Variants in SZT2 observed in about 807,000 individuals in gnomAD.
SZT2 encodes KICSTOR complex protein SZT2.
A neutral mutation model predicts 404.2 loss-of-function variants in SZT2; 216 were observed. The ratio of observed to expected loss-of-function variants is 0.53; its 90% CI spans 0.48 to 0.60. The LOEUF is 0.60. Ranked by LOEUF, SZT2 falls within the 20% of genes least tolerant of loss-of-function variation. The pLI is 0.00. For synonymous variants in SZT2, 1,693 were observed against 1,749.9 expected (o/e 0.97, Z 0.81); for missense variants, 3,857 against 4,459.2 (o/e 0.86, Z 3.85).
At chr1:43,399,530 C>T (rs957267014) in intron 1 of SZT2, among the ~76,000 whole-genome samples, 14 of 143,474 alleles carry the variant, frequency 9.8e-5, no homozygotes, top group African/African-American at 3.4e-4. Context: ...GGCGTGATCT[C>T]GACTCACTGC....
intron 1 of SZT2, among the ~76,000 whole-genome samples, chr1:43,391,421 T>C (rs1648300552): frequency 6.6e-6 from 1 of 152,150 alleles, no homozygotes; most frequent in Admixed American, 6.5e-5. Flanking sequence ...ATATTGTTCA[T>C]GGTATAAGTA....
At chr1:43,394,460 T>C (rs1158536869) in intron 1 of SZT2, among the ~76,000 whole-genome samples, 1 of 152,218 alleles carries the variant, frequency 6.6e-6, no homozygotes, top group Non-Finnish European at 1.5e-5. Flanking sequence ...AGGTGATTTT[T>C]CATGCAGCTG....
chr1:43,424,953 C>A lies in SZT2; in HGVS notation c.2550+91C>A. ...TGAGCTGGGTTGGGACTGCTGGAAACTGCCTCACAGGGACCCTGTGGCCAG... is the reference window on the plus strand; with the variant it reads ...TGAGCTGGGTTGGGACTGCTGGAAAATGCCTCACAGGGACCCTGTGGCCAG... On this transcript the variant is annotated intron_variant, in intron 17 of 71. Coordinates refer to ENST00000634258, the MANE Select transcript of SZT2 (RefSeq NM_001365999.1). This position sits in a 1 kb window ranked among gnomAD's most constrained non-coding sequence, Gnocchi z 4.1. 6.6e-7 allele frequency: 1 copy of A among 1,513,548 alleles called. No homozygotes were observed. The highest frequency in any genetic ancestry group is 9.2e-7 in the Non-Finnish European group (1 of 1,092,230). The allele number at this position is 1,513,548 out of a possible 1,614,324, so 93.8% of individuals were successfully genotyped here.
rs774902064 is a variant in SZT2 at position 43,431,794 on chromosome 1, G to A, written c.5167G>A (p.Ala1723Thr). 6.2e-6 allele frequency: 10 copies of A among 1,614,074 alleles called. No homozygotes were observed. The East Asian group carries it at 2.0e-4, about 32-fold the overall frequency. Reference protein sequence around the residue: ...GIPQSPALHRAAAHIHSSPGR... With the variant: ...GIPQSPALHRTAAHIHSSPGR... The stretch of plus-strand genomic sequence containing the variant: ...CCCACAGAGTCCTGCCCTGCACCGC[G>A]CAGCTGCCCATATCCATAGTTCTCC... The change falls in exon 36 of 72, where the codon GCA (alanine) becomes ACA (threonine). Residue 1723 changes from alanine (A) to threonine (T), a missense_variant. Physicochemically the swap from Ala to Thr is moderately conservative, Grantham distance 58. This residue lies in a region of SZT2 where 1,725 missense variants were observed against 1,881.0 expected (regional missense o/e 0.92). Transcript: ENST00000634258.
At chr1:43,432,849 T>A in intron 39 of SZT2, 50 bp downstream of exon 39, 3 of 1,607,696 alleles carry the variant, frequency 1.9e-6, no homozygotes, top group Non-Finnish European at 2.6e-6. Context: ...GGAGGTGGGC[T>A]TAGGGCTGTA....
chr1:43,419,201 C>T (rs1652052510), intron 7 of SZT2, among the ~76,000 whole-genome samples: 1 of 152,218 alleles, frequency 6.6e-6, no homozygotes, highest in African/African-American at 2.4e-5. Flanking sequence ...TCCAATAAAA[C>T]TCGATTCACA....
In SZT2 at chr1:43,450,813, T is replaced by G. The variant is rs537403486; in HGVS notation, c.*333T>G. The G allele has an allele frequency of 4.2e-6, 3 of 706,418 alleles. No homozygotes were observed. The East Asian group carries it at 8.4e-5, about 20-fold the overall frequency. 43.8% of individuals were successfully genotyped at this position (706,418 alleles called of 1,614,324 possible). On this transcript the variant is annotated 3_prime_UTR_variant, in exon 72 of 72. Transcript: ENST00000634258. This position sits in a 1 kb window ranked among gnomAD's most constrained non-coding sequence, Gnocchi z 4.3. ...CAGGGTGGCAAACACCCCCTAGAGC[T>G]CCTCTGCCTGAATCCTGCCCCCTAG...
chr1:43,431,623 A>C, intron 35 of SZT2, 93 bp from the exon 36 acceptor site: 1 of 1,600,070 alleles, frequency 6.2e-7, no homozygotes, highest in Admixed American at 1.7e-5. Context: ...GGCCTCTCTC[A>C]GTCTGTGAGG....
intron 5 of SZT2, among the ~76,000 whole-genome samples, chr1:43,415,691 C>T (rs1651624504): frequency 6.6e-6 from 1 of 152,162 alleles, no homozygotes; most frequent in African/African-American, 2.4e-5. Flanking sequence ...TGGAAAGGGG[C>T]CCTTCTTGGC....
At position 43,430,485 on chromosome 1, in the gene SZT2, T is replaced by G; in HGVS notation, c.4481-11T>G. The G allele has an allele frequency of 6.2e-7, 1 of 1,612,364 alleles. No individual in the cohort carries two copies. The highest frequency in any genetic ancestry group is 8.5e-7 in the Non-Finnish European group (1 of 1,178,712). On this transcript the variant is annotated splice_polypyrimidine_tract_variant and intron_variant, in intron 31 of 71. Transcript: ENST00000634258. ...AGCCTCTCTCATTGACCATGTGACATGCACTACTAGGAGACACATCTGCCT... is the reference window on the plus strand; with the variant it reads ...AGCCTCTCTCATTGACCATGTGACAGGCACTACTAGGAGACACATCTGCCT...
At position 43,437,783 on chromosome 1, in the gene SZT2, C is replaced by A. The variant is rs1654621536; in HGVS notation, c.6397-8C>A. The stretch of plus-strand genomic sequence containing the variant: ...GAACCGGGGCCCTGACCACAGTTTT[C>A]CCTGTAGGGTCCTCGTTCTCCCTTA... On this transcript the variant is annotated splice_region_variant and splice_polypyrimidine_tract_variant and intron_variant, in intron 45 of 71. Transcript: ENST00000634258. The surrounding 1 kb of genome is among the most constrained non-coding windows in gnomAD (Gnocchi z 5.3). 6.2e-7 allele frequency: 1 copy of A among 1,614,176 alleles called. No homozygotes were observed. The highest frequency in any genetic ancestry group is 8.5e-7 in the Non-Finnish European group (1 of 1,180,026).
In SZT2 at chr1:43,441,768, G is replaced by A; in HGVS notation, c.7692G>A (p.Leu2564=). Residue 2564 remains leucine, a synonymous_variant, in exon 55 of 72, where the codon CTG becomes CTA. Transcript: ENST00000634258. The surrounding 1 kb of genome is among the most constrained non-coding windows in gnomAD (Gnocchi z 4.8). ...LPSILSEFTA[L]VTSMAGDTSV... ...CCATCCTGTCTGAGTTCACCGCACT[G>A]GTCACCTCAATGGCTGGAGACACCA... 1.2e-6 allele frequency: 2 copies of A among 1,614,136 alleles called. No individual in the cohort carries two copies. Among genetic ancestry groups the A allele is most frequent in the South Asian group, 1.1e-5 (1 of 91,088 alleles).
chr1:43,396,012 CA>C (rs1375772178), intron 1 of SZT2, among the ~76,000 whole-genome samples: 1 of 151,996 alleles, frequency 6.6e-6, no homozygotes, highest in Admixed American at 6.6e-5. Context: ...CGTATGTGTC[CA>C]AAAAAGCCAG....
At position 43,446,676 on chromosome 1, in the gene SZT2, T is replaced by C; in HGVS notation, c.9072+260T>C. ...CAGTGCCTGGTCTGGCCTGTAGTCATCTAGAGTCTGTGGCAGACCCTGATG... is the reference window on the plus strand; with the variant it reads ...CAGTGCCTGGTCTGGCCTGTAGTCACCTAGAGTCTGTGGCAGACCCTGATG... On this transcript the variant is annotated intron_variant, in intron 65 of 71. Transcript: ENST00000634258. The C allele has an allele frequency of 6.4e-6, 4 of 620,478 alleles. No homozygotes were observed. In the South Asian group the frequency reaches 7.9e-5, roughly 12 times the overall value. 38.4% of individuals were successfully genotyped at this position (620,478 alleles called of 1,614,324 possible).
rs189876431 is a variant in SZT2, at chr1:43,412,554, G to A, written c.499-2528G>A. On this transcript the variant is annotated intron_variant, in intron 4 of 71. Coordinates refer to ENST00000634258, the MANE Select transcript of SZT2 (RefSeq NM_001365999.1). ...TCCCATCTTGGCCTCCCAAAGTGCT[G>A]GGATTACACATGTGAACCACTATGC... The A allele has an allele frequency of 8.5e-5, 13 of 152,286 alleles. No individual in the cohort carries two copies. The East Asian group carries it at 2.1e-3, about 25-fold the overall frequency. The allele number at this position is 152,286 out of a possible 1,614,324, so 9.4% of individuals were successfully genotyped here.
rs1189602704 is a variant in SZT2 at position 43,448,184 on chromosome 1, G to T, written c.9669G>T (p.Glu3223Asp). Residue 3223 changes from glutamate (E) to aspartate (D), a missense_variant, in exon 69 of 72, where the codon GAG (glutamate) becomes GAT (aspartate). Physicochemically the swap from Glu to Asp is conservative, Grantham distance 45 (BLOSUM62 2). Around this residue, in one of 7 missense-constraint regions of SZT2, gnomAD observed 717 missense variants for 868.2 expected, o/e 0.83. Coordinates refer to ENST00000634258, the MANE Select transcript of SZT2 (RefSeq NM_001365999.1). The surrounding 1 kb of genome is among the most constrained non-coding windows in gnomAD (Gnocchi z 4.2). ...CACCCAGACTGCCCCCTGAGCCAGA[G>T]GCTCCTGGGAGTTCAGCTGGCAGCC... is the stretch of plus-strand genomic sequence containing the variant. ...RKPPRLPPEP[E>D]APGSSAGSPG... 1 of 1,611,836 alleles carries T rather than the reference G, an allele frequency of 6.2e-7. No homozygotes were observed. Among genetic ancestry groups the T allele is most frequent in the Non-Finnish European group, 8.5e-7 (1 of 1,178,800 alleles).
chr1:43,425,026 G>T lies in SZT2; in HGVS notation c.2551-87G>T. On this transcript the variant is annotated intron_variant, in intron 17 of 71. Transcript: ENST00000634258. This position sits in a 1 kb window ranked among gnomAD's most constrained non-coding sequence, Gnocchi z 4.3. Reference sequence around the variant, plus strand: ...GCAGTCATAGGACAATTTGGTGAGGGAACTGAAATTCTGAGGGCCAGAGCT... The same window carrying T: ...GCAGTCATAGGACAATTTGGTGAGGTAACTGAAATTCTGAGGGCCAGAGCT... 1 of 1,570,992 alleles carries T rather than the reference G, an allele frequency of 6.4e-7. No homozygotes were observed. The highest frequency in any genetic ancestry group is 8.8e-7 in the Non-Finnish European group (1 of 1,142,382).
chr1:43,446,797 G>A (rs1655726588), intron 65 of SZT2, 158 bp from the exon 66 acceptor site: 5 of 721,296 alleles, frequency 6.9e-6, no homozygotes, highest in Non-Finnish European at 1.1e-5. Flanking sequence ...GGCTAGAATG[G>A]GGAGGCCTTC....
At chr1:43,436,983 G>A (rs1428690259) in intron 42 of SZT2, 188 bp from the exon 43 acceptor site, 1 of 675,900 alleles carries the variant, frequency 1.5e-6, no homozygotes, top group East Asian at 2.7e-5. Flanking sequence ...TGTGCTATAT[G>A]ACCTGTGTTC....
Sources: allele counts gnomAD v4.1 joint callset (sites outside exome capture counted in the v4.1 genomes callset), GRCh38; gene constraint gnomAD v4.1.1; regional missense constraint gnomAD v4.1.1; non-coding constraint Gnocchi (gnomAD v3.1); transcripts MANE v1.5; gene names NCBI Gene and HGNC (gene_info 2026-07-23, HGNC 2026-07-21).